Variants in EPC2 observed in about 807,000 individuals in gnomAD.
EPC2 encodes enhancer of polycomb 2.
A neutral mutation model predicts 92.1 loss-of-function variants in EPC2; 14 were observed. The ratio of observed to expected loss-of-function variants is 0.15; its 90% confidence interval spans 0.10 to 0.24. EPC2 has a LOEUF of 0.24. Ranked by LOEUF, EPC2 falls within the 10% of genes least tolerant of loss-of-function variation. EPC2 has a pLI of 1.00. For missense variants in EPC2, 755 were observed against 971.5 expected (o/e 0.78, Z 2.96); for synonymous variants, 340 against 334.7 (o/e 1.02, Z -0.17).
chr2:148,669,856 T>G (rs910989583), intron 1 of EPC2, among the ~76,000 whole-genome samples: 8 of 152,270 alleles, frequency 5.3e-5, no homozygotes, highest in Non-Finnish European at 8.8e-5. Context: ...CCAATGCCCT[T>G]TAAATTTTGA....
At chr2:148,783,129 A>C (rs781282815) in intron 11 of EPC2, among the ~76,000 whole-genome samples, 1 of 152,212 alleles carries the variant, frequency 6.6e-6, no homozygotes, top group Non-Finnish European at 1.5e-5. Context: ...AGTTTTATAC[A>C]GAATCAAGGA....
chr2:148,699,775 A>G (rs538893911), intron 2 of EPC2, among the ~76,000 whole-genome samples: 1 of 152,254 alleles, frequency 6.6e-6, no homozygotes, highest in South Asian at 2.1e-4. Flanking sequence ...CAATTGCTGT[A>G]AACATGTTTA....
At chr2:148,783,973 C>G (rs574878538) in intron 12 of EPC2, among the ~76,000 whole-genome samples, 2 of 152,316 alleles carry the variant, frequency 1.3e-5, no homozygotes, top group South Asian at 2.1e-4. Flanking sequence ...GAATACATAC[C>G]TGTGTAACAT....
intron 1 of EPC2, among the ~76,000 whole-genome samples, chr2:148,653,956 T>G (rs968197335): frequency 1.4e-4 from 21 of 151,228 alleles, no homozygotes; most frequent in Non-Finnish European, 2.7e-4. Flanking sequence ...TTTTGTTTTT[T>G]TTTTTTTTGG....
chr2:148,753,526 C>T (rs773313521), intron 3 of EPC2, among the ~76,000 whole-genome samples: 45 of 152,132 alleles, frequency 3.0e-4, no homozygotes, highest in Non-Finnish European at 8.8e-5. Flanking sequence ...CCCCATACCT[C>T]CTACTTTGTG....
At chr2:148,706,995 T>C (rs781079640) in intron 2 of EPC2, among the ~76,000 whole-genome samples, 1 of 152,020 alleles carries the variant, frequency 6.6e-6, no homozygotes, top group African/African-American at 2.4e-5. Context: ...TTCACACATA[T>C]CAATATTAAC....
At chr2:148,673,038 G>C (rs570646951) in intron 1 of EPC2, among the ~76,000 whole-genome samples, 17 of 152,204 alleles carry the variant, frequency 1.1e-4, no homozygotes, top group African/African-American at 4.1e-4. Flanking sequence ...TAACGTTTCT[G>C]CTGAGAAATG....
intron 2 of EPC2, chr2:148,691,697 C>A: frequency 7.6e-7 from 1 of 1,320,518 alleles, no homozygotes; most frequent in Non-Finnish European, 1.1e-6. Context: ...TTTTGGACCA[C>A]AGTATTAGCT....
At chr2:148,673,285 C>T (rs1681192988) in intron 1 of EPC2, among the ~76,000 whole-genome samples, 1 of 152,074 alleles carries the variant, frequency 6.6e-6, no homozygotes, top group South Asian at 2.1e-4. Flanking sequence ...CTCTCTGTCC[C>T]TTCTCTCTCT....
chr2:148,706,014 A>G (rs571359814), intron 2 of EPC2, among the ~76,000 whole-genome samples: 1 of 152,336 alleles, frequency 6.6e-6, no homozygotes, highest in African/African-American at 2.4e-5. Flanking sequence ...ACAAATTGAC[A>G]GAAGTAGGCT....
rs1683869597 is a variant in EPC2 at position 148,786,461 on chromosome 2, TC to T, written c.*85del. The stretch of plus-strand genomic sequence containing the variant: ...AATGCAAAAGGCAACACTCTGTGGA[TC>T]ACAGAGTGTAACAATGGACCTAAAT... On this transcript the variant is annotated 3_prime_UTR_variant, in exon 14 of 14. Transcript: ENST00000258484. 1 of 1,050,062 alleles carries T rather than the reference TC, an allele frequency of 9.5e-7. No individual in the cohort carries two copies. Among genetic ancestry groups the T allele is most frequent in the Admixed American group, 2.0e-5 (1 of 49,278 alleles). The allele number at this position is 1,050,062 out of a possible 1,614,324, so 65.0% of individuals were successfully genotyped here.
intron 7 of EPC2, among the ~76,000 whole-genome samples, chr2:148,766,028 G>A (rs774215733): frequency 2.0e-5 from 3 of 152,002 alleles, no homozygotes; most frequent in Non-Finnish European, 2.9e-5. Context: ...AGAGCGAGAC[G>A]ACGTCTCAAA....
At chr2:148,663,207 T>TATC (rs1680977628) in intron 1 of EPC2, among the ~76,000 whole-genome samples, 1 of 144,796 alleles carries the variant, frequency 6.9e-6, no homozygotes, top group Non-Finnish European at 1.5e-5. Flanking sequence ...TTATTATTAT[T>TATC]ATTATTATTA....
At chr2:148,762,084 A>C (rs1683309970) in intron 5 of EPC2, 154 bp downstream of exon 5, 3 of 596,686 alleles carry the variant, frequency 5.0e-6, no homozygotes, top group Non-Finnish European at 7.9e-6. Context: ...TGTGGTTACT[A>C]GTTTTTATAG....
chr2:148,725,954 T>C (rs745922478), intron 2 of EPC2, among the ~76,000 whole-genome samples: 70 of 152,186 alleles, frequency 4.6e-4, no homozygotes, highest in Admixed American at 2.7e-3. Flanking sequence ...GTATACCCAT[T>C]GAACAACCTC....
At chr2:148,728,925 G>A (rs951607008) in intron 2 of EPC2, among the ~76,000 whole-genome samples, 2 of 151,022 alleles carry the variant, frequency 1.3e-5, no homozygotes, top group Admixed American at 6.6e-5. Context: ...CCAGCTACTC[G>A]GGAGGCTGAG....
At chr2:148,741,610 AATGTAGGATATTCATTTACACATCGCTGC>A (rs1420675834) in intron 2 of EPC2, among the ~76,000 whole-genome samples, 2 of 152,172 alleles carry the variant, frequency 1.3e-5, no homozygotes, top group Non-Finnish European at 2.9e-5. Context: ...ACGTGGTATG[AATGTAGGATATTCATTTACACATCGCTGC>A]ACAGACAGCC....
At chr2:148,687,342 A>G (rs1681548347) in intron 1 of EPC2, among the ~76,000 whole-genome samples, 1 of 152,172 alleles carries the variant, frequency 6.6e-6, no homozygotes, top group Admixed American at 6.5e-5. Flanking sequence ...GACCACTGAA[A>G]CTTTCTCTGT....
intron 2 of EPC2, among the ~76,000 whole-genome samples, chr2:148,739,385 C>T (rs1322196196): frequency 6.6e-6 from 1 of 151,918 alleles, no homozygotes; most frequent in Non-Finnish European, 1.5e-5. Context: ...ATTTTTTGGC[C>T]CTGGAAAATT....
Sources: allele counts gnomAD v4.1 joint callset (sites outside exome capture counted in the v4.1 genomes callset), GRCh38; gene constraint gnomAD v4.1.1; transcripts MANE v1.5; gene names NCBI Gene and HGNC (gene_info 2026-07-23, HGNC 2026-07-21).